The following PDZD8 variants were observed in gnomAD, a reference collection of about 807,000 sequenced individuals.
PDZD8 encodes PDZ domain-containing protein 8.
Under a neutral mutation model 85.8 loss-of-function variants are expected in PDZD8, and 14 were observed. The observed-to-expected ratio is 0.16, with a 90% CI of 0.11 to 0.26. The LOEUF (loss-of-function observed/expected upper bound fraction) is 0.26. Ranked by LOEUF, PDZD8 falls within the 10% of genes least tolerant of loss-of-function variation. The pLI, the probability that PDZD8 is intolerant of heterozygous loss-of-function variation, is 1.00. For synonymous variants in PDZD8, 592 were observed against 568.6 expected, an observed-to-expected ratio of 1.04 and a Z score of -0.59; for missense variants, 1,197 against 1,424.3, an observed-to-expected ratio of 0.84 and a Z score of 2.57.
Position 117,284,254 on chromosome 10 carries a change from C to G in PDZD8, c.2479G>C (p.Glu827Gln). ...CCCATCTGTCCAACAAATTGCTCCT[C>G]TTTAGGGAGAACAGAAACTTCTTCA... ...LVEEVSVLPK[E>Q]EQFVGQMGLT... The change falls in exon 5 of 5, where the codon GAG becomes CAG. Residue 827 changes from glutamate (E) to glutamine (Q), a missense_variant. Around this residue, in one of 4 missense-constraint regions of PDZD8, gnomAD observed 418 missense variants for 571.1 expected, o/e 0.73. Coordinates refer to ENST00000334464, the MANE Select transcript of PDZD8 (RefSeq NM_173791.5). 6.2e-7 allele frequency: 1 copy of G among 1,614,164 alleles called. No homozygotes were observed. Among genetic ancestry groups the G allele is most frequent in the Non-Finnish European group, 8.5e-7 (1 of 1,180,032 alleles).
chr10:117,316,847 G>A (rs1267176323), intron 3 of PDZD8, among the ~76,000 whole-genome samples: 1 of 152,128 alleles, frequency 6.6e-6, no homozygotes, highest in Non-Finnish European at 1.5e-5. Context: ...TTGCTGCTGA[G>A]GAGGCCATAG....
chr10:117,328,962 A>G (rs1265617099), intron 2 of PDZD8, among the ~76,000 whole-genome samples: 1 of 152,246 alleles, frequency 6.6e-6, no homozygotes, highest in African/African-American at 2.4e-5. Flanking sequence ...TCCCACTGGA[A>G]ACGTGAGTAC....
intron 2 of PDZD8, among the ~76,000 whole-genome samples, chr10:117,338,666 T>C (rs1277441764): frequency 6.6e-6 from 1 of 152,218 alleles, no homozygotes; most frequent in Non-Finnish European, 1.5e-5. Context: ...AGAGATTTAT[T>C]ACACAGTTCC....
At chr10:117,359,434 G>C (rs1844957410) in intron 1 of PDZD8, among the ~76,000 whole-genome samples, 1 of 151,414 alleles carries the variant, frequency 6.6e-6, no homozygotes, top group Non-Finnish European at 1.5e-5. Context: ...CAACAGGCTA[G>C]GCACGGTGGC....
rs746059622 is a variant in PDZD8, at chr10:117,285,165, T to C, written c.1568A>G (p.Lys523Arg). 1.9e-6 allele frequency: 3 copies of C among 1,614,078 alleles called. No individual in the cohort carries two copies. Among genetic ancestry groups the C allele is most frequent in the African/African-American group, 2.7e-5 (2 of 74,924 alleles). Residue 523 changes from lysine (K) to arginine (R), a missense_variant, in exon 5 of 5, where the codon AAA (lysine) becomes AGA (arginine). By Grantham distance (26) the Lys-to-Arg change is conservative. Around this residue, in one of 4 missense-constraint regions of PDZD8, gnomAD observed 263 missense variants for 261.9 expected, o/e 1.00. Coordinates refer to ENST00000334464, the MANE Select transcript of PDZD8 (RefSeq NM_173791.5). The stretch of plus-strand genomic sequence containing the variant: ...AATAGAAAGTGTTGTTGGAACACGT[T>C]TGGGACTATGACTTAATGATTGTGC... ...DEAQSLSHSP[K>R]RVPTTLSIKP...
At chr10:117,300,465 C>T (rs1235517129) in intron 3 of PDZD8, among the ~76,000 whole-genome samples, 1 of 152,146 alleles carries the variant, frequency 6.6e-6, no homozygotes, top group Non-Finnish European at 1.5e-5. Flanking sequence ...AAAAACCATT[C>T]TATAATGTAG....
At chr10:117,321,068 CT>C in intron 2 of PDZD8, among the ~76,000 whole-genome samples, 1 of 152,080 alleles carries the variant, frequency 6.6e-6, no homozygotes, top group East Asian at 1.9e-4. Flanking sequence ...GATATAGTCA[CT>C]TTGGAAAACA....
At chr10:117,372,448 T>C (rs1344323604) in intron 1 of PDZD8, among the ~76,000 whole-genome samples, 14 of 152,204 alleles carry the variant, frequency 9.2e-5, no homozygotes, top group Admixed American at 9.2e-4. Flanking sequence ...CTCACTGTCA[T>C]TGGCTAGTCT....
At position 117,283,373 on chromosome 10, in the gene PDZD8, T is replaced by A; in HGVS notation, c.3360A>T (p.Thr1120=). ...DQHSKKISKY[T]DDTEEDLDNE... ...TATCAAGGTCTTCTTCTGTATCATC[T>A]GTGTACTTGCTTATTTTTTTGGAGT... is the stretch of plus-strand genomic sequence containing the variant. Residue 1120 remains threonine, a synonymous_variant, in exon 5 of 5, where the codon ACA becomes ACT. Transcript: ENST00000334464. 1 of 1,614,150 alleles carries A rather than the reference T, an allele frequency of 6.2e-7. No individual in the cohort carries two copies. The highest frequency in any genetic ancestry group is 8.5e-7 in the Non-Finnish European group (1 of 1,179,956).
chr10:117,361,248 A>AT (rs921524574), intron 1 of PDZD8, among the ~76,000 whole-genome samples: 17 of 151,616 alleles, frequency 1.1e-4, no homozygotes, highest in Non-Finnish European at 1.8e-4. Flanking sequence ...AGTCGGGGCA[A>AT]TTTTTTTTTA....
chr10:117,302,325 T>C (rs1389774737), intron 3 of PDZD8, among the ~76,000 whole-genome samples: 1 of 152,226 alleles, frequency 6.6e-6, no homozygotes, highest in African/African-American at 2.4e-5. Flanking sequence ...TCTTTGAAAC[T>C]GTCTTACCAG....
At chr10:117,288,327 T>C (rs941512393) in intron 4 of PDZD8, among the ~76,000 whole-genome samples, 1 of 151,218 alleles carries the variant, frequency 6.6e-6, no homozygotes, top group African/African-American at 2.4e-5. Context: ...CAAAAATGCA[T>C]AGTTTAGAAA....
chr10:117,325,989 G>T (rs1279814516), intron 2 of PDZD8, among the ~76,000 whole-genome samples: 3 of 152,112 alleles, frequency 2.0e-5, no homozygotes, highest in Non-Finnish European at 4.4e-5. Flanking sequence ...TTTTGTAAGT[G>T]TCTGGCATTT....
Position 117,284,125 on chromosome 10 carries a change from T to C in PDZD8, c.2608A>G (p.Met870Val). The C allele has an allele frequency of 6.2e-7, 1 of 1,614,112 alleles. No individual in the cohort carries two copies. The highest frequency in any genetic ancestry group is 8.5e-7 in the Non-Finnish European group (1 of 1,180,014). Residue 870 changes from methionine to valine, a missense_variant, in exon 5 of 5, where the codon ATG (methionine) becomes GTG (valine). Physicochemically the swap from Met to Val is conservative, Grantham distance 21 (BLOSUM62 1). Transcript: ENST00000334464. ...TTATGGCAAACATAAGCACAAAACA[T>C]ACACTGGGAAGCTGCTTTAGTCCAA... ...KVWTKAASQC[M>V]FCAYVCHKKC... is the part of the protein sequence containing the mutation.
Position 117,284,515 on chromosome 10 carries a change from C to T in PDZD8, c.2218G>A (p.Ala740Thr), listed in dbSNP as rs1339142564. 2 of 1,614,096 alleles carry T rather than the reference C, an allele frequency of 1.2e-6. No individual in the cohort carries two copies. The highest frequency in any genetic ancestry group is 2.2e-5 in the South Asian group (2 of 91,080). Residue 740 changes from alanine (A) to threonine (T), a missense_variant, in exon 5 of 5, where the codon GCT (alanine) becomes ACT (threonine). Ala to Thr is a moderately conservative substitution (Grantham distance 58). Coordinates refer to ENST00000334464, the MANE Select transcript of PDZD8 (RefSeq NM_173791.5). The part of the protein sequence containing the change: ...GHVSLKLEDV[A>T]LGCLATSNTE... The stretch of plus-strand genomic sequence containing the variant: ...TTTGATGTAGCTAGGCATCCTAAAG[C>T]CACATCTTCAAGTTTTAAACTAACA...
intron 1 of PDZD8, among the ~76,000 whole-genome samples, chr10:117,360,698 A>AT (rs1844982519): frequency 6.6e-6 from 1 of 151,814 alleles, no homozygotes; most frequent in Admixed American, 6.6e-5. Context: ...ACTGTAACAA[A>AT]TCCACTCAAC....
rs1221325019 is a variant in PDZD8 at position 117,288,558 on chromosome 10, G to C, written c.1261+1628C>G. 6.6e-5 allele frequency among the ~76,000 whole-genome samples: 10 copies of C among 152,164 alleles called. No individual in the cohort carries two copies. The East Asian group carries it at 1.9e-3, about 29-fold the overall frequency. On this transcript the variant is annotated intron_variant, in intron 4 of 4. Coordinates refer to ENST00000334464, the MANE Select transcript of PDZD8 (RefSeq NM_173791.5). ...AGTTTCGCTCTTGTTGCCCAGGCTGGAGTGCAATGGTATGATCTCAGCTCA... is the reference window on the plus strand; with the variant it reads ...AGTTTCGCTCTTGTTGCCCAGGCTGCAGTGCAATGGTATGATCTCAGCTCA...
chr10:117,302,162 A>G (rs772925001), intron 3 of PDZD8, among the ~76,000 whole-genome samples: 25 of 152,218 alleles, frequency 1.6e-4, no homozygotes, highest in Admixed American at 6.5e-4. Flanking sequence ...TTAACAGCAC[A>G]AAAGATATAA....
intron 2 of PDZD8, among the ~76,000 whole-genome samples, chr10:117,333,347 A>G (rs2133834463): frequency 6.6e-6 from 1 of 152,274 alleles, no homozygotes; most frequent in South Asian, 2.1e-4. Context: ...TATTGCAGAT[A>G]ATAAGTACAA....
Sources: gnomAD v4.1 joint callset for allele counts (sites outside exome capture counted in the v4.1 genomes callset) on GRCh38, gnomAD v4.1.1 for gene constraint, gnomAD v4.1.1 regional missense constraint, MANE v1.5 for transcripts, NCBI Gene and HGNC (gene_info 2026-07-23, HGNC 2026-07-21) for gene names.